DAB2IP: variants seen among roughly 807,000 people sequenced by gnomAD.
DAB2IP encodes DAB2 interacting protein.
DAB2IP carries 28 observed loss-of-function variants against 107.2 expected under a neutral mutation model. The observed-to-expected ratio is 0.26, with a 90% CI of 0.19 to 0.36. The LOEUF (loss-of-function observed/expected upper bound fraction) is 0.36. Among genes scored for constraint, DAB2IP ranks in the 10% least tolerant of loss-of-function variants. The probability of loss-of-function intolerance (pLI) is 1.00; values close to 1 mark genes in which losing one functional copy is unlikely to be tolerated. For synonymous variants in DAB2IP, 755 were observed against 706.4 expected, an observed-to-expected ratio of 1.07 and a Z score of -1.09; for missense variants, 1,400 against 1,644.7, an observed-to-expected ratio of 0.85 and a Z score of 2.57.
intron 3 of DAB2IP, among the ~76,000 whole-genome samples, chr9:121,723,854 T>G (rs1831078977): frequency 6.6e-6 from 1 of 152,162 alleles, no homozygotes; most frequent in Admixed American, 6.5e-5. Context: ...TTAAGGCACC[T>G]TGGCCCTGCC....
chr9:121,587,429 G>C (rs565202004), intron 1 of DAB2IP, among the ~76,000 whole-genome samples: 2 of 152,060 alleles, frequency 1.3e-5, no homozygotes, highest in Non-Finnish European at 2.9e-5. Context: ...CCAACATGAT[G>C]AAATCCTGAC....
chr9:121,775,411 AAC>A, intron 13 of DAB2IP, among the ~76,000 whole-genome samples: 1 of 152,308 alleles, frequency 6.6e-6, no homozygotes, highest in East Asian at 1.9e-4. Flanking sequence ...GGGGACAGGG[AAC>A]ACAGTGCTCC....
chr9:121,741,071 C>G (rs933840759), intron 3 of DAB2IP, among the ~76,000 whole-genome samples: 1 of 152,144 alleles, frequency 6.6e-6, no homozygotes, highest in Non-Finnish European at 1.5e-5. Flanking sequence ...GATGTTCTGC[C>G]AGGGCTCCAA....
At chr9:121,574,803 A>C (rs567799001) in intron 1 of DAB2IP, 1 of 152,188 alleles carries the variant, frequency 6.6e-6, no homozygotes, top group African/African-American at 2.4e-5. Flanking sequence ...CTGGCCAGCC[A>C]TGCGGGGGGC....
chr9:121,583,509 C>A (rs1037702204), intron 1 of DAB2IP, among the ~76,000 whole-genome samples: 30 of 152,176 alleles, frequency 2.0e-4, no homozygotes, highest in Admixed American at 1.8e-3. Flanking sequence ...GACTGCACAC[C>A]CTGAGCATCA....
At chr9:121,650,871 G>A (rs994298891), upstream of DAB2IP, among the ~76,000 whole-genome samples, 5 of 152,256 alleles carry the variant, frequency 3.3e-5, 1 homozygote, top group South Asian at 6.2e-4. Context: ...GGCTGGAGGG[G>A]ACTTTGGTTG....
intron 1 of DAB2IP, among the ~76,000 whole-genome samples, chr9:121,675,584 C>T (rs987006866): frequency 1.3e-5 from 2 of 152,168 alleles, no homozygotes; most frequent in African/African-American, 2.4e-5. Flanking sequence ...ACCTCCTATG[C>T]GTTGGCCCCT....
chr9:121,604,580 C>G (rs1447230574), intron 1 of DAB2IP, among the ~76,000 whole-genome samples: 3 of 152,180 alleles, frequency 2.0e-5, no homozygotes, highest in Non-Finnish European at 4.4e-5. Flanking sequence ...TTCCAGAATG[C>G]CCTTTTCTCT....
intron 3 of DAB2IP, among the ~76,000 whole-genome samples, chr9:121,703,361 C>T (rs559803668): frequency 6.6e-6 from 1 of 152,168 alleles, no homozygotes; most frequent in Non-Finnish European, 1.5e-5. Flanking sequence ...CCCTTGTTCC[C>T]TCCCCTACTA....
At chr9:121,577,609 G>T (rs755258165) in intron 1 of DAB2IP, among the ~76,000 whole-genome samples, 1 of 152,178 alleles carries the variant, frequency 6.6e-6, no homozygotes, top group Non-Finnish European at 1.5e-5. Context: ...CACAGCCAGG[G>T]ACTGCAGGGA....
At chr9:121,592,972 A>T (rs189795549) in intron 1 of DAB2IP, among the ~76,000 whole-genome samples, 1 of 152,238 alleles carries the variant, frequency 6.6e-6, no homozygotes, top group East Asian at 1.9e-4. Context: ...GGGTGGCACA[A>T]AGGACAGGAG....
At chr9:121,744,740 C>T (rs1050360331) in intron 3 of DAB2IP, among the ~76,000 whole-genome samples, 8 of 152,204 alleles carry the variant, frequency 5.3e-5, no homozygotes, top group Non-Finnish European at 1.2e-4. Flanking sequence ...GCCTGTGAAT[C>T]GTGACCTCAG....
At chr9:121,768,550 G>A (rs369754590) in exon 10 of DAB2IP, 19 of 1,614,090 alleles carry the variant, frequency 1.2e-5, no homozygotes, top group Non-Finnish European at 1.4e-5. Flanking sequence ...CAATACAGCC[G>A]GCTTCGAGGG....
intron 3 of DAB2IP, chr9:121,737,212 G>T (rs1258211879): frequency 1.0e-6 from 1 of 973,980 alleles, no homozygotes; most frequent in East Asian, 1.1e-4. Flanking sequence ...AGAGGCCCCA[G>T]AGGGCGACTT....
Position 121,699,615 on chromosome 9 carries a change from G to T in DAB2IP, c.362+157G>T, listed in dbSNP as rs1359150075. Among the ~76,000 whole-genome samples the T allele has an allele frequency of 2.0e-5, 3 of 151,998 alleles. No individual in the cohort carries two copies. Among genetic ancestry groups the T allele is most frequent in the African/African-American group, 7.2e-5 (3 of 41,438 alleles). ...GGAACTTATGGGGCCACCTCGGCCGGACTAGGGGGCCCGAGGGGAGGACCC... is the reference window on the plus strand; with the variant it reads ...GGAACTTATGGGGCCACCTCGGCCGTACTAGGGGGCCCGAGGGGAGGACCC... On this transcript the variant is annotated intron_variant, in intron 3 of 15. Coordinates refer to ENST00000408936, the Ensembl canonical transcript of DAB2IP. This position sits in a 1 kb window ranked among gnomAD's most constrained non-coding sequence, Gnocchi z 6.2.
At chr9:121,737,772 G>A (rs1384627903) in intron 3 of DAB2IP, 9 of 985,314 alleles carry the variant, frequency 9.1e-6, no homozygotes, top group Non-Finnish European at 9.6e-6. Context: ...CTTCCTCCCC[G>A]GTGGGTGGGT....
At chr9:121,623,700 G>A (rs1831550530) in intron 1 of DAB2IP, among the ~76,000 whole-genome samples, 1 of 151,726 alleles carries the variant, frequency 6.6e-6, no homozygotes, top group Non-Finnish European at 1.5e-5. Context: ...GTTTTGTTTT[G>A]TTTTTGAGAT....
In DAB2IP at chr9:121,698,923, G is replaced by T. The variant is rs886935219; in HGVS notation, c.229-402G>T. 3.3e-4 allele frequency among the ~76,000 whole-genome samples: 50 copies of T among 152,170 alleles called. No individual in the cohort carries two copies. The highest frequency in any genetic ancestry group is 1.2e-3 in the African/African-American group (49 of 41,556). Reference sequence around the variant, plus strand: ...GGACAAGCTCGGAGGCGGCAGGGAGGTGAGCGGGGCGGCCGGCCCTGGCGG... The same window carrying T: ...GGACAAGCTCGGAGGCGGCAGGGAGTTGAGCGGGGCGGCCGGCCCTGGCGG... On this transcript the variant is annotated intron_variant, in intron 2 of 15. Transcript: ENST00000408936. This position sits in a 1 kb window ranked among gnomAD's most constrained non-coding sequence, Gnocchi z 4.1.
chr9:121,729,049 T>C (rs1014929383), intron 3 of DAB2IP, among the ~76,000 whole-genome samples: 2 of 152,194 alleles, frequency 1.3e-5, no homozygotes, highest in Non-Finnish European at 2.9e-5. Flanking sequence ...ATGCCTGTCA[T>C]TTTTTAGTCT....
Sources: gnomAD v4.1 joint callset for allele counts (sites outside exome capture counted in the v4.1 genomes callset) on GRCh38, gnomAD v4.1.1 for gene constraint, Gnocchi (gnomAD v3.1) non-coding constraint, MANE v1.5 for transcripts, NCBI Gene and HGNC (gene_info 2026-07-23, HGNC 2026-07-21) for gene names.